DNAH5: variants seen among roughly 807,000 people sequenced by gnomAD.
DNAH5 encodes the protein dynein axonemal heavy chain 5.
DNAH5 carries 372 observed loss-of-function variants against 518.2 expected under a neutral mutation model. The ratio of observed to expected loss-of-function variants is 0.72; its 90% CI spans 0.66 to 0.78. The LOEUF (loss-of-function observed/expected upper bound fraction) is 0.78. Ranked by LOEUF, DNAH5 falls within the 30% of genes least tolerant of loss-of-function variation. The probability of loss-of-function intolerance (pLI) is 0.00; values close to 1 mark genes in which losing one functional copy is unlikely to be tolerated. For synonymous variants in DNAH5, 2,039 were observed against 2,025.9 expected (o/e 1.01, Z -0.17); for missense variants, 5,523 against 5,687.0 (o/e 0.97, Z 0.93).
At chr5:13,770,351 G>A (rs888554340) in intron 56 of DNAH5, among the ~76,000 whole-genome samples, 3 of 152,134 alleles carry the variant, frequency 2.0e-5, no homozygotes, top group East Asian at 1.9e-4. Context: ...AGGGAAGAGG[G>A]GATGTCTGCA....
rs56036444 is a variant in DNAH5, at chr5:13,961,709, C to A, written c.13-30465G>T. On this transcript the variant is annotated intron_variant, in intron 1 of 78. Coordinates refer to the DNAH5 transcript ENST00000681290. ...AAGTGACTCGTCCAAAGCCCACGGA[C>A]AAAATGATCCCATCTTCACTACACA... 8.3e-3 allele frequency among the ~76,000 whole-genome samples: 1,268 copies of A among 152,210 alleles called. 12 individuals are homozygous for A. The highest frequency in any genetic ancestry group is 0.014 in the Middle Eastern group (4 of 292).
Position 13,914,876 on chromosome 5 carries a change from C to A in DNAH5, c.1198-234G>T, listed in dbSNP as rs13180671. Reference sequence around the variant, plus strand: ...ATGGAAAATCGACAATTTAGGCCACCTTGTCTATGCAGGATGAATGTCTTA... The same window carrying A: ...ATGGAAAATCGACAATTTAGGCCACATTGTCTATGCAGGATGAATGTCTTA... On this transcript the variant is annotated intron_variant, in intron 9 of 78. Coordinates refer to ENST00000265104, the MANE Select transcript of DNAH5 (RefSeq NM_001369.3). Among the ~76,000 whole-genome samples the A allele has an allele frequency of 2.6e-3, 395 of 151,950 alleles. 4 individuals carry two copies. Among genetic ancestry groups the A allele is most frequent in the African/African-American group, 8.9e-3 (370 of 41,468 alleles).
At position 13,690,473 on chromosome 5, in the gene DNAH5, A is replaced by G. The variant is rs1740594501; in HGVS notation, c.*1511T>C. The G allele has an allele frequency of 2.0e-5, 3 of 152,218 alleles. No homozygotes were observed. Among genetic ancestry groups the G allele is most frequent in the African/African-American group, 7.2e-5 (3 of 41,470 alleles). 9.4% of individuals were successfully genotyped at this position (152,218 alleles called of 1,614,324 possible). On this transcript the variant is annotated 3_prime_UTR_variant, in exon 79 of 79. Coordinates refer to ENST00000265104, the MANE Select transcript of DNAH5 (RefSeq NM_001369.3). ...AAGAAAGAACTCACAAGAAAACAGT[A>G]TCATCTAAGATGGTGGGAGTCACAG... is the stretch of plus-strand genomic sequence containing the variant.
intron 50 of DNAH5, 43 bp from the exon 51 acceptor site, chr5:13,788,957 G>GC (rs1756515139): frequency 6.4e-7 from 1 of 1,556,962 alleles, no homozygotes; most frequent in African/African-American, 1.4e-5. Context: ...TTCCTGTTAT[G>GC]CCGTAATTGG....
chr5:13,960,099 C>T (rs1158090309), intron 1 of DNAH5, among the ~76,000 whole-genome samples: 3 of 143,356 alleles, frequency 2.1e-5, no homozygotes, highest in Non-Finnish European at 4.5e-5. Flanking sequence ...ATGAGGGGAA[C>T]GCTTTTATCT....
At chr5:13,923,503 G>C (rs1330211678) in intron 3 of DNAH5, 63 bp from the exon 4 acceptor site, 3 of 1,585,888 alleles carry the variant, frequency 1.9e-6, no homozygotes, top group Non-Finnish European at 2.6e-6. Context: ...GTTCCCTTTG[G>C]AATGAAGTTT....
chr5:13,748,253 C>G (rs544228901), intron 65 of DNAH5, among the ~76,000 whole-genome samples: 1 of 152,176 alleles, frequency 6.6e-6, no homozygotes, highest in Non-Finnish European at 1.5e-5. Context: ...TGTTTTGGTA[C>G]CAGTACCATG....
At chr5:13,808,233 A>G in intron 46 of DNAH5, among the ~76,000 whole-genome samples, 1 of 96,720 alleles carries the variant, frequency 1.0e-5, no homozygotes, top group Non-Finnish European at 2.3e-5. Flanking sequence ...CTCAAAAAAA[A>G]AAAAAAAAAA....
At chr5:13,719,856 G>A (rs771156179) in intron 71 of DNAH5, among the ~76,000 whole-genome samples, 3 of 152,144 alleles carry the variant, frequency 2.0e-5, no homozygotes, top group Non-Finnish European at 2.9e-5. Flanking sequence ...ACACTAAGAA[G>A]AGAAAGAGCC....
At chr5:13,979,475 C>G (rs1310861842) in intron 1 of DNAH5, among the ~76,000 whole-genome samples, 1 of 152,180 alleles carries the variant, frequency 6.6e-6, no homozygotes, top group African/African-American at 2.4e-5. Flanking sequence ...TAAAGCCAAG[C>G]CTGAAACACA....
intron 32 of DNAH5, among the ~76,000 whole-genome samples, chr5:13,842,630 C>G (rs1356832921): frequency 6.6e-6 from 1 of 151,988 alleles, no homozygotes; most frequent in Non-Finnish European, 1.5e-5. Context: ...TGAAATGAGG[C>G]TTCTAAAACC....
intron 53 of DNAH5, among the ~76,000 whole-genome samples, chr5:13,777,608 T>C (rs958881381): frequency 6.6e-6 from 1 of 152,238 alleles, no homozygotes; most frequent in African/African-American, 2.4e-5. Flanking sequence ...AGAATTTTTA[T>C]CACAACCAAA....
Position 13,691,978 on chromosome 5 carries a change from C to T in DNAH5, c.*6G>A, listed in dbSNP as rs1238359978. 1.2e-6 allele frequency: 2 copies of T among 1,614,068 alleles called. No homozygotes were observed. Among genetic ancestry groups the T allele is most frequent in the Admixed American group, 1.7e-5 (1 of 60,008 alleles). The stretch of plus-strand genomic sequence containing the variant: ...CAAAGCATTGGGTGGGGACACTCCC[C>T]ACATGTTACTTGACATCACACAGAA... On this transcript the variant is annotated 3_prime_UTR_variant, in exon 79 of 79. Coordinates refer to ENST00000265104, the MANE Select transcript of DNAH5 (RefSeq NM_001369.3).
At chr5:13,832,896 A>G (rs896523421) in intron 35 of DNAH5, among the ~76,000 whole-genome samples, 1 of 152,152 alleles carries the variant, frequency 6.6e-6, no homozygotes, top group Non-Finnish European at 1.5e-5. Context: ...CAAATCTATC[A>G]CCAGCATTCA....
Position 13,914,502 on chromosome 5 carries a change from T to C in DNAH5, c.1320+18A>G. ...AGATAAAAAGAATAGAACATCTAAA[T>C]ACTAAACTGACCATTACCTGTTTCA... On this transcript the variant is annotated intron_variant, in intron 10 of 78. Coordinates refer to ENST00000265104, the MANE Select transcript of DNAH5 (RefSeq NM_001369.3). 2 of 1,611,688 alleles carry C rather than the reference T, an allele frequency of 1.2e-6. No individual in the cohort carries two copies. The highest frequency in any genetic ancestry group is 1.7e-6 in the Non-Finnish European group (2 of 1,178,762).
rs1278013484 is a variant in DNAH5, at chr5:13,876,745, T to C, written c.3335A>G (p.Glu1112Gly). 2 of 1,613,942 alleles carry C rather than the reference T, an allele frequency of 1.2e-6. No homozygotes were observed. Among genetic ancestry groups the C allele is most frequent in the Admixed American group, 3.3e-5 (2 of 59,980 alleles). Residue 1112 changes from glutamate to glycine, a missense_variant, in exon 22 of 79, where the codon GAA becomes GGA. Physicochemically the swap from Glu to Gly is moderately conservative, Grantham distance 98. Transcript: ENST00000265104. ...QTKNYYKNVS[E>G]NKEIVKLVSV... is the part of the protein sequence containing the mutation. ...AACTAATTTTACAATCTCTTTGTTT[T>C]CAGAAACATTCTTATAATAGTTCTT...
At chr5:13,884,703 G>A (rs535694315) in intron 19 of DNAH5, among the ~76,000 whole-genome samples, 65 of 152,282 alleles carry the variant, frequency 4.3e-4, no homozygotes, top group Non-Finnish European at 7.2e-4. Context: ...CAGGCGTGGC[G>A]GCGTGCGCCT....
intron 59 of DNAH5, 101 bp downstream of exon 59, chr5:13,765,875 T>C (rs1752445422): frequency 1.7e-6 from 2 of 1,183,748 alleles, no homozygotes; most frequent in Admixed American, 1.7e-5. Context: ...AAATCATGTA[T>C]GTAGAGTAAG....
intron 73 of DNAH5, 130 bp from the exon 74 acceptor site, chr5:13,716,820 A>G: frequency 1.4e-6 from 1 of 726,594 alleles, no homozygotes; most frequent in Non-Finnish European, 2.4e-6. Context: ...CTGCAAAGAG[A>G]AAGTGCAGAA....
Sources: allele counts gnomAD v4.1 joint callset (sites outside exome capture counted in the v4.1 genomes callset), GRCh38; gene constraint gnomAD v4.1.1; transcripts MANE v1.5; gene names NCBI Gene and HGNC (gene_info 2026-07-23, HGNC 2026-07-21).